The following FARSB variants were observed in gnomAD, a reference collection of about 807,000 sequenced individuals.
FARSB encodes the protein phenylalanine--tRNA ligase beta subunit.
FARSB carries 40 observed loss-of-function variants against 69.6 expected under a neutral mutation model. The ratio of observed to expected loss-of-function variants is 0.57; its 90% CI spans 0.45 to 0.75. The LOEUF (loss-of-function observed/expected upper bound fraction) is 0.75. Among genes scored for constraint, FARSB ranks in the 30% least tolerant of loss-of-function variants. The probability of loss-of-function intolerance (pLI) is 0.00; values close to 1 mark genes in which losing one functional copy is unlikely to be tolerated. For missense variants in FARSB, 632 were observed against 722.9 expected (o/e 0.87, Z 1.44); for synonymous variants, 235 against 247.2 (o/e 0.95, Z 0.46).
Position 222,623,728 on chromosome 2 carries a change from A to C in FARSB, c.1173T>G (p.Phe391Leu). 3.1e-6 allele frequency: 5 copies of C among 1,598,676 alleles called. No homozygotes were observed. Among genetic ancestry groups the C allele is most frequent in the Non-Finnish European group, 4.3e-6 (5 of 1,168,480 alleles). The change falls in exon 13 of 17, where the codon TTT (phenylalanine) becomes TTG (leucine). Residue 391 changes from phenylalanine to leucine, a missense_variant and splice_region_variant. Coordinates refer to ENST00000281828, the MANE Select transcript of FARSB (RefSeq NM_005687.5). ...GAAGTTCAGTGAGCTTATTAAGAGG[A>C]AACTGAAAAAAAAAGCATCCACTTG... Reference protein sequence around the residue: ...LPKTYTIANQFPLNKLTELLR... With the variant: ...LPKTYTIANQLPLNKLTELLR...
chr2:222,615,595 C>T (rs1212536767), intron 14 of FARSB, among the ~76,000 whole-genome samples: 1 of 152,208 alleles, frequency 6.6e-6, no homozygotes, highest in Non-Finnish European at 1.5e-5. Flanking sequence ...CTACATTCTT[C>T]CTCTAGGTTC....
intron 16 of FARSB, among the ~76,000 whole-genome samples, chr2:222,596,352 G>A (rs1203777078): frequency 6.6e-6 from 1 of 152,170 alleles, no homozygotes; most frequent in East Asian, 1.9e-4. Flanking sequence ...GGTGAATCGA[G>A]TTCTGTTCCA....
At chr2:222,613,342 C>T (rs1690906174) in intron 15 of FARSB, among the ~76,000 whole-genome samples, 1 of 152,080 alleles carries the variant, frequency 6.6e-6, no homozygotes, top group South Asian at 2.1e-4. Context: ...GTCAGAAGTT[C>T]GAGTCCAGCC....
intron 16 of FARSB, among the ~76,000 whole-genome samples, chr2:222,582,375 C>T (rs1484434472): frequency 6.6e-6 from 1 of 151,852 alleles, no homozygotes; most frequent in Non-Finnish European, 1.5e-5. Flanking sequence ...AGAATATGAA[C>T]ACACACACAC....
At chr2:222,634,090 T>C (rs1691513169) in intron 6 of FARSB, among the ~76,000 whole-genome samples, 1 of 152,232 alleles carries the variant, frequency 6.6e-6, no homozygotes, top group Non-Finnish European at 1.5e-5. Context: ...AGCTAAGTTT[T>C]ACTGTTCTTT....
chr2:222,654,992 T>C (rs937271985), intron 1 of FARSB, among the ~76,000 whole-genome samples: 12 of 151,242 alleles, frequency 7.9e-5, no homozygotes, highest in Non-Finnish European at 1.2e-4. Context: ...AGGTCAGGAG[T>C]TTAAGACCAG....
intron 5 of FARSB, among the ~76,000 whole-genome samples, chr2:222,636,361 G>A (rs1691581565): frequency 6.7e-6 from 1 of 148,910 alleles, no homozygotes; most frequent in Non-Finnish European, 1.5e-5. Flanking sequence ...ACTCCAGCCT[G>A]GGCGAGAGTG....
At chr2:222,584,145 G>T (rs1396972201) in intron 16 of FARSB, among the ~76,000 whole-genome samples, 1 of 151,938 alleles carries the variant, frequency 6.6e-6, no homozygotes, top group Non-Finnish European at 1.5e-5. Context: ...TGATGTCCTT[G>T]TTTATAGGAA....
intron 1 of FARSB, among the ~76,000 whole-genome samples, chr2:222,653,657 G>A (rs895143374): frequency 2.0e-5 from 3 of 150,278 alleles, no homozygotes; most frequent in Non-Finnish European, 3.0e-5. Context: ...CTGAGACAGG[G>A]TCTCACTTTG....
chr2:222,613,986 G>A (rs1690930747), intron 14 of FARSB, 58 bp from the exon 15 acceptor site: 3 of 1,015,090 alleles, frequency 3.0e-6, no homozygotes, highest in South Asian at 2.8e-5. Flanking sequence ...AAGACACTTG[G>A]TTAAAGACAA....
intron 5 of FARSB, among the ~76,000 whole-genome samples, chr2:222,636,583 G>T (rs1261617874): frequency 1.3e-5 from 2 of 152,066 alleles, no homozygotes; most frequent in East Asian, 3.9e-4. Context: ...ACAGTAAAAA[G>T]ATTAACATTC....
rs745951906 is a variant in FARSB, at chr2:222,640,865, T to C, written c.336A>G (p.Glu112=). The change falls in exon 4 of 17, where the codon GAA becomes GAG. Residue 112 remains glutamate (E), a synonymous_variant. Transcript: ENST00000281828. ...AATAAGAATTTGTCCTTATTACCTC[T>C]TCTGTGATAATCAATTTCTGGATTT... The part of the protein sequence containing the change: ...DGKIQKLIIT[E]ETAKIRPFAV... 4.6e-6 allele frequency: 7 copies of C among 1,528,770 alleles called. No individual in the cohort carries two copies. The South Asian group carries it at 4.6e-5, about 10-fold the overall frequency. 94.7% of individuals were successfully genotyped at this position (1,528,770 alleles called of 1,614,324 possible). A position where few individuals can be genotyped will look rare whatever the true frequency, so the allele number is the denominator to read the frequency against.
At chr2:222,572,701 C>T (rs144110110) in intron 16 of FARSB, among the ~76,000 whole-genome samples, 435 of 152,252 alleles carry the variant, frequency 2.9e-3, no homozygotes, top group African/African-American at 1.0e-2. Flanking sequence ...GGGTTGATGC[C>T]TCATTTACTT....
intron 16 of FARSB, among the ~76,000 whole-genome samples, chr2:222,580,878 T>C (rs1689950900): frequency 6.6e-6 from 1 of 152,000 alleles, no homozygotes; most frequent in African/African-American, 2.4e-5. Flanking sequence ...AAAATGAGGG[T>C]TCTGGTTCTT....
Position 222,634,422 on chromosome 2 carries a change from T to A in FARSB, c.575A>T (p.Tyr192Phe). 6.2e-7 allele frequency: 1 copy of A among 1,609,710 alleles called. No individual in the cohort carries two copies. Residue 192 changes from tyrosine to phenylalanine, a missense_variant, in exon 6 of 17, where the codon TAT becomes TTT. By Grantham distance (22) the Tyr-to-Phe change is conservative (BLOSUM62 3). Coordinates refer to ENST00000281828, the MANE Select transcript of FARSB (RefSeq NM_005687.5). Reference sequence around the variant, plus strand: ...TATGTTCATCAGTTCACAGGCTGTATACTCCTTGGTCTTATTTAGAGGCTT... The same window carrying A: ...TATGTTCATCAGTTCACAGGCTGTAAACTCCTTGGTCTTATTTAGAGGCTT... ...KFKPLNKTKE[Y>F]TACELMNIYK... is the part of the protein sequence containing the mutation.
intron 13 of FARSB, among the ~76,000 whole-genome samples, chr2:222,622,627 T>G (rs1339505825): frequency 6.6e-6 from 1 of 152,204 alleles, no homozygotes; most frequent in Non-Finnish European, 1.5e-5. Flanking sequence ...CAAAGATGAA[T>G]GACATGGCAT....
chr2:222,626,905 G>A (rs1026209003), intron 10 of FARSB, among the ~76,000 whole-genome samples: 3 of 151,906 alleles, frequency 2.0e-5, no homozygotes, highest in East Asian at 1.9e-4. Flanking sequence ...GCGTGGTGAC[G>A]GGCGCCTGTA....
chr2:222,654,587 T>C (rs1253401060), intron 1 of FARSB, among the ~76,000 whole-genome samples: 1 of 152,204 alleles, frequency 6.6e-6, no homozygotes, highest in Admixed American at 6.5e-5. Flanking sequence ...AATAAGCTCA[T>C]TATAAAATAA....
chr2:222,640,972 G>A, intron 3 of FARSB, 41 bp from the exon 4 acceptor site: 1 of 979,382 alleles, frequency 1.0e-6, no homozygotes, highest in Non-Finnish European at 1.5e-6. Flanking sequence ...AATTAATCAA[G>A]ACATTATATA....
Sources: allele counts gnomAD v4.1 joint callset (sites outside exome capture counted in the v4.1 genomes callset), GRCh38; gene constraint gnomAD v4.1.1; transcripts MANE v1.5; gene names NCBI Gene and HGNC (gene_info 2026-07-23, HGNC 2026-07-21).